The following CACNB4 variants were observed in gnomAD, a reference collection of about 807,000 sequenced individuals.
CACNB4 encodes calcium voltage-gated channel auxiliary subunit beta 4, also known as voltage-dependent L-type calcium channel subunit beta-4.
CACNB4 carries 32 observed loss-of-function variants against 71.2 expected under a neutral mutation model. That is an observed-to-expected ratio of 0.45 (90% CI 0.34 to 0.60). The LOEUF (loss-of-function observed/expected upper bound fraction) is 0.60, where lower values mean the gene tolerates loss of function less well. Among genes scored for constraint, CACNB4 ranks in the 20% least tolerant of loss-of-function variants. CACNB4 has a pLI of 0.01. For missense variants in CACNB4, 464 were observed against 647.9 expected (o/e 0.72, Z 3.08); for synonymous variants, 231 against 236.9 (o/e 0.97, Z 0.23).
intron 2 of CACNB4, among the ~76,000 whole-genome samples, chr2:152,020,727 G>C (rs1683613807): frequency 6.6e-6 from 1 of 152,158 alleles, no homozygotes; most frequent in Non-Finnish European, 1.5e-5. Flanking sequence ...GGCGATGCTG[G>C]TAACGGGGTT....
At chr2:151,990,961 C>T (rs911584318) in intron 2 of CACNB4, among the ~76,000 whole-genome samples, 9 of 152,120 alleles carry the variant, frequency 5.9e-5, no homozygotes, top group Non-Finnish European at 1.2e-4. Flanking sequence ...TATAAAATGG[C>T]ATTATCCAGC....
chr2:152,061,641 CAA>C (rs57640851), intron 2 of CACNB4, among the ~76,000 whole-genome samples: 26 of 132,374 alleles, frequency 2.0e-4, no homozygotes, highest in Admixed American at 2.3e-4. Context: ...CTTCTCAAAG[CAA>C]AAAAAAAAAA....
chr2:152,014,853 T>C (rs975599187), intron 2 of CACNB4, among the ~76,000 whole-genome samples: 3 of 152,224 alleles, frequency 2.0e-5, no homozygotes, highest in African/African-American at 4.8e-5. Context: ...AAAACATTTA[T>C]GCAGTCACTG....
At chr2:151,882,625 T>A (rs2099848217) in intron 3 of CACNB4, among the ~76,000 whole-genome samples, 1 of 152,090 alleles carries the variant, frequency 6.6e-6, no homozygotes, top group Non-Finnish European at 1.5e-5. Context: ...GAATGGGAGA[T>A]CCCTAGTGAC....
At chr2:151,969,168 T>G (rs2099871897) in intron 2 of CACNB4, 1 of 152,224 alleles carries the variant, frequency 6.6e-6, no homozygotes, top group African/African-American at 2.4e-5. Flanking sequence ...TCTTCTGTGG[T>G]CAGAGATGCC....
At chr2:152,026,321 C>A (rs1683968134) in intron 2 of CACNB4, among the ~76,000 whole-genome samples, 1 of 152,102 alleles carries the variant, frequency 6.6e-6, no homozygotes, top group African/African-American at 2.4e-5. Flanking sequence ...TCAGCGTCAA[C>A]ATATAAACAT....
At chr2:151,883,164 T>C (rs765040382) in intron 3 of CACNB4, 87 bp downstream of exon 3, 13 of 1,351,722 alleles carry the variant, frequency 9.6e-6, no homozygotes, top group Non-Finnish European at 1.4e-5. Flanking sequence ...AAAATGATTA[T>C]TCCAGAAATG....
intron 2 of CACNB4, among the ~76,000 whole-genome samples, chr2:152,015,018 C>A (rs7570505): frequency 0.048 from 7,320 of 152,232 alleles, 581 homozygotes; most frequent in African/African-American, 0.17. Flanking sequence ...ACCATGAAAC[C>A]AAGCTTCCTA....
rs1688377679 is a variant in CACNB4, at chr2:152,098,128, T to G, written c.147+202A>C. ...TGCACAAACTAACTTCCCGGGGCGG[T>G]GCGGAGACGCCGGGACGCGAAGACG... On this transcript the variant is annotated intron_variant, in intron 2 of 13. Coordinates refer to ENST00000539935, the MANE Select transcript of CACNB4 (RefSeq NM_000726.5). This position sits in a 1 kb window ranked among gnomAD's most constrained non-coding sequence, Gnocchi z 5.3. 6.6e-6 allele frequency among the ~76,000 whole-genome samples: 1 copy of G among 152,140 alleles called. No individual in the cohort carries two copies. The highest frequency in any genetic ancestry group is 1.5e-5 in the Non-Finnish European group (1 of 68,024).
chr2:151,870,656 T>A (rs759823763), intron 7 of CACNB4, 45 bp from the exon 8 acceptor site: 2 of 1,470,956 alleles, frequency 1.4e-6, no homozygotes, highest in South Asian at 2.3e-5. Flanking sequence ...AGGTTGAGCA[T>A]GCCTCTCCAC....
rs550005834 is a variant in CACNB4 at position 152,015,910 on chromosome 2, C to T, written c.147+82420G>A. On this transcript the variant is annotated intron_variant, in intron 2 of 13. Coordinates refer to ENST00000539935, the MANE Select transcript of CACNB4 (RefSeq NM_000726.5). ...GCAACAGACTTTGTCTTCAGGATTA[C>T]GAGATCCAATTTTAAAATACTTCCA... is the stretch of plus-strand genomic sequence containing the variant. 4.3e-4 allele frequency among the ~76,000 whole-genome samples: 66 copies of T among 152,290 alleles called. No individual in the cohort carries two copies. The South Asian group carries it at 1.0e-2, about 23-fold the overall frequency.
At chr2:152,041,028 C>G (rs764401378) in intron 2 of CACNB4, among the ~76,000 whole-genome samples, 1 of 152,180 alleles carries the variant, frequency 6.6e-6, no homozygotes, top group Non-Finnish European at 1.5e-5. Flanking sequence ...ATCGCCTGAC[C>G]TCAGCCTTTT....
At chr2:151,847,238 G>A (rs1429702385) in intron 12 of CACNB4, among the ~76,000 whole-genome samples, 1 of 151,996 alleles carries the variant, frequency 6.6e-6, no homozygotes, top group African/African-American at 2.4e-5. Context: ...AAATGAGCTG[G>A]GCTTAGTGGC....
intron 11 of CACNB4, chr2:151,854,930 G>A (rs572724343): frequency 8.5e-6 from 2 of 235,492 alleles, no homozygotes; most frequent in African/African-American, 4.5e-5. Context: ...AGAATTCATA[G>A]TCTATGATAA....
chr2:151,923,448 C>G (rs1054413513), intron 2 of CACNB4, among the ~76,000 whole-genome samples: 1 of 152,210 alleles, frequency 6.6e-6, no homozygotes, highest in African/African-American at 2.4e-5. Flanking sequence ...CCATGCTTTG[C>G]TCCCCAGTCT....
intron 8 of CACNB4, chr2:151,870,104 T>A (rs1559898429): frequency 1.7e-6 from 1 of 603,156 alleles, no homozygotes; most frequent in African/African-American, 1.9e-5. Flanking sequence ...TGCCATCATC[T>A]TAAAAACCCA....
chr2:152,022,704 T>C (rs968175458), intron 2 of CACNB4, among the ~76,000 whole-genome samples: 2 of 152,244 alleles, frequency 1.3e-5, no homozygotes, highest in Non-Finnish European at 2.9e-5. Context: ...ACTCTTGGTA[T>C]GATTTTTCCT....
At chr2:152,043,826 T>G (rs1178896301) in intron 2 of CACNB4, among the ~76,000 whole-genome samples, 1 of 152,240 alleles carries the variant, frequency 6.6e-6, no homozygotes, top group Non-Finnish European at 1.5e-5. Flanking sequence ...AGCAACATCA[T>G]TCTTCAAATG....
intron 2 of CACNB4, among the ~76,000 whole-genome samples, chr2:152,068,904 CT>C (rs370661479): frequency 0.011 from 1,637 of 152,308 alleles, 12 homozygotes; most frequent in Non-Finnish European, 0.018. Context: ...GTCATGTCCT[CT>C]AGGCCCTACC....
Sources: gnomAD v4.1 joint callset for allele counts (sites outside exome capture counted in the v4.1 genomes callset) on GRCh38, gnomAD v4.1.1 for gene constraint, Gnocchi (gnomAD v3.1) non-coding constraint, MANE v1.5 for transcripts, NCBI Gene and HGNC (gene_info 2026-07-23, HGNC 2026-07-21) for gene names.